Variants in WRN observed in about 807,000 individuals in gnomAD.
WRN encodes the protein bifunctional 3'-5' exonuclease/ATP-dependent helicase WRN.
A neutral mutation model predicts 180.7 loss-of-function variants in WRN; 149 were observed. That is an observed-to-expected ratio of 0.82 (90% CI 0.72 to 0.94). The LOEUF is 0.94. WRN is among the 40% of genes least tolerant of loss of function. WRN has a pLI of 0.00. For synonymous variants in WRN, 548 were observed against 568.9 expected, an observed-to-expected ratio of 0.96 and a Z score of 0.52; for missense variants, 1,661 against 1,700.1, an observed-to-expected ratio of 0.98 and a Z score of 0.40.
intron 20 of WRN, among the ~76,000 whole-genome samples, chr8:31,119,023 G>A (rs1177764926): frequency 6.6e-6 from 1 of 151,936 alleles, no homozygotes; most frequent in African/African-American, 2.4e-5. Context: ...TTATTGTGTT[G>A]CTTATTGACT....
chr8:31,175,857 T>C lies in WRN; in HGVS notation c.*2755T>C, dbSNP rs761934114. Among the ~76,000 whole-genome samples, 26 of 152,266 alleles carry C rather than the reference T, an allele frequency of 1.7e-4. No individual in the cohort carries two copies. Among genetic ancestry groups the C allele is most frequent in the Non-Finnish European group, 3.5e-4 (24 of 68,056 alleles). On this transcript the variant is annotated 3_prime_UTR_variant, in exon 35 of 35. Coordinates refer to ENST00000298139, the MANE Select transcript of WRN (RefSeq NM_000553.6). ...AAAATATGTTTTTTAAAAGTATTTA[T>C]GTTAATGTGTACTTGGTTTACTACT... is the stretch of plus-strand genomic sequence containing the variant.
At chr8:31,062,218 TGTG>T (rs1812513781) in intron 3 of WRN, among the ~76,000 whole-genome samples, 1 of 152,152 alleles carries the variant, frequency 6.6e-6, no homozygotes, top group Non-Finnish European at 1.5e-5. Flanking sequence ...TAGATTTGTT[TGTG>T]GTGGGAGGGT....
Position 31,173,194 on chromosome 8 carries a change from T to G in WRN, c.*92T>G. 2 of 1,211,444 alleles carry G rather than the reference T, an allele frequency of 1.7e-6. No homozygotes were observed. Among genetic ancestry groups the G allele is most frequent in the Non-Finnish European group, 2.4e-6 (2 of 835,838 alleles). The allele number at this position is 1,211,444 out of a possible 1,614,324, so 75.0% of individuals were successfully genotyped here. A position where few individuals can be genotyped will look rare whatever the true frequency, so the allele number is the denominator to read the frequency against. The stretch of plus-strand genomic sequence containing the variant: ...GAAGAGTAAGGAGTAGTATTTTGGC[T>G]TAAAAATCATTCTAATTACAAAGTT... On this transcript the variant is annotated 3_prime_UTR_variant, in exon 35 of 35. Transcript: ENST00000298139.
Position 31,067,078 on chromosome 8 carries a change from C to G in WRN, c.550C>G (p.Leu184Val), listed in dbSNP as rs1193726075. The G allele has an allele frequency of 6.2e-7, 1 of 1,613,940 alleles. No homozygotes were observed. Among genetic ancestry groups the G allele is most frequent in the Non-Finnish European group, 8.5e-7 (1 of 1,179,966 alleles). Residue 184 changes from leucine to valine, a missense_variant, in exon 6 of 35, where the codon CTC becomes GTC. Physicochemically the swap from Leu to Val is conservative, Grantham distance 32 (BLOSUM62 1). Around this residue, in one of 3 missense-constraint regions of WRN, gnomAD observed 500 missense variants for 504.1 expected, o/e 0.99. Transcript: ENST00000298139. ...GAGCCTTAACAGTCTGGTTAAACAC[C>G]TCTTAGGTAAACAGCTCCTGAAAGA... ...TWSLNSLVKH[L>V]LGKQLLKDKS...
intron 7 of WRN, among the ~76,000 whole-genome samples, chr8:31,073,536 TGGGA>T (rs534640812): frequency 0.077 from 11,705 of 152,298 alleles, 511 homozygotes; most frequent in African/African-American, 0.13. Flanking sequence ...TATCAATATT[TGGGA>T]TCAATTTGGG....
In WRN at chr8:31,142,608, AATTTT is replaced by A. The variant is rs781121558; in HGVS notation, c.3234-14_3234-10del. On this transcript the variant is annotated splice_polypyrimidine_tract_variant and intron_variant, in intron 26 of 34. Coordinates refer to ENST00000298139, the MANE Select transcript of WRN (RefSeq NM_000553.6). Reference sequence around the variant, plus strand: ...TGCATCTTAACATTTGAAATAATTTAATTTTATTATTTTTTAGTTCGAAAACTGTA... The same window carrying A: ...TGCATCTTAACATTTGAAATAATTTAATTATTTTTTAGTTCGAAAACTGTA... 9.0e-6 allele frequency: 14 copies of A among 1,558,240 alleles called. No homozygotes were observed. The highest frequency in any genetic ancestry group is 2.4e-5 in the South Asian group (2 of 83,522).
intron 1 of WRN, among the ~76,000 whole-genome samples, chr8:31,057,822 G>A (rs1462631411): frequency 6.6e-6 from 1 of 150,910 alleles, no homozygotes; most frequent in Admixed American, 6.6e-5. Context: ...CTTGAATTTT[G>A]GTTTACATTG....
chr8:31,108,759 G>A (rs1366599835), intron 18 of WRN, among the ~76,000 whole-genome samples: 1 of 152,078 alleles, frequency 6.6e-6, no homozygotes, highest in Non-Finnish European at 1.5e-5. Context: ...GAGGGTAACT[G>A]TTCATGAAAA....
intron 22 of WRN, 64 bp from the exon 23 acceptor site, chr8:31,124,844 C>T (rs1394549902): frequency 4.7e-6 from 7 of 1,481,082 alleles, no homozygotes; most frequent in Non-Finnish European, 5.6e-6. Context: ...TCATTATTTT[C>T]AGGAATGAAC....
chr8:31,171,219 C>T (rs1156233521), intron 34 of WRN: 1 of 151,950 alleles, frequency 6.6e-6, no homozygotes, highest in Non-Finnish European at 1.5e-5. Flanking sequence ...TTCCTCTGCT[C>T]TATTGCTGTT....
At chr8:31,118,596 GT>G (rs1801607100) in intron 20 of WRN, among the ~76,000 whole-genome samples, 1 of 151,946 alleles carries the variant, frequency 6.6e-6, no homozygotes, top group Non-Finnish European at 1.5e-5. Context: ...TGTTTTTACA[GT>G]TGTTATATAC....
intron 2 of WRN, 108 bp from the exon 3 acceptor site, chr8:31,059,045 T>A (rs1475366497): frequency 2.3e-6 from 2 of 873,832 alleles, no homozygotes; most frequent in Admixed American, 1.8e-5. Flanking sequence ...CATTAATTGA[T>A]AAAACTTAGA....
chr8:31,104,715 A>G (rs1050566991), intron 18 of WRN, among the ~76,000 whole-genome samples: 2 of 152,176 alleles, frequency 1.3e-5, no homozygotes, highest in African/African-American at 4.8e-5. Context: ...TTGTTTTCCC[A>G]ATAGATTAAA....
At chr8:31,142,805 A>G (rs1563377480) in intron 27 of WRN, 104 bp downstream of exon 27, 1 of 1,041,654 alleles carries the variant, frequency 9.6e-7, no homozygotes. Context: ...AGAAAATGGC[A>G]TATATAACAA....
chr8:31,089,222 G>A (rs1813651264), intron 13 of WRN, among the ~76,000 whole-genome samples: 1 of 152,006 alleles, frequency 6.6e-6, no homozygotes, highest in Admixed American at 6.6e-5. Context: ...CTAGTTTAAA[G>A]ATACTTATAA....
At chr8:31,066,529 A>T (rs1166155989) in intron 5 of WRN, among the ~76,000 whole-genome samples, 4 of 151,828 alleles carry the variant, frequency 2.6e-5, no homozygotes, top group Non-Finnish European at 4.4e-5. Flanking sequence ...TCACTTTCAT[A>T]TATTTGCAAA....
Position 31,043,075 on chromosome 8 carries a change from T to C in WRN, c.-77+9102T>C, listed in dbSNP as rs570212121. The stretch of plus-strand genomic sequence containing the variant: ...TATTGGTCTGTTTCATGGAGACATC[T>C]GAGGTAGAGTGGCCTTCAGGCAAGT... On this transcript the variant is annotated intron_variant, in intron 1 of 34. Coordinates refer to ENST00000298139, the MANE Select transcript of WRN (RefSeq NM_000553.6). Among the ~76,000 whole-genome samples, 6 of 152,354 alleles carry C rather than the reference T, an allele frequency of 3.9e-5. 1 individual carries two copies. The highest frequency in any genetic ancestry group is 1.4e-4 in the African/African-American group (6 of 41,588).
chr8:31,110,395 A>G (rs776297640), intron 18 of WRN, among the ~76,000 whole-genome samples: 48 of 152,318 alleles, frequency 3.2e-4, no homozygotes, highest in Non-Finnish European at 6.0e-4. Context: ...AAAGAATGCA[A>G]AAATGATGCC....
At chr8:31,039,166 A>C (rs963449806) in intron 1 of WRN, among the ~76,000 whole-genome samples, 2 of 152,230 alleles carry the variant, frequency 1.3e-5, no homozygotes, top group Admixed American at 6.5e-5. Flanking sequence ...TAGTATTGAC[A>C]TCTTAACAAT....
Sources: allele counts gnomAD v4.1 joint callset (sites outside exome capture counted in the v4.1 genomes callset), GRCh38; gene constraint gnomAD v4.1.1; regional missense constraint gnomAD v4.1.1; transcripts MANE v1.5; gene names NCBI Gene and HGNC (gene_info 2026-07-23, HGNC 2026-07-21).